Variants in EHBP1 observed in about 807,000 individuals in gnomAD.
EHBP1 encodes the protein EH domain-binding protein 1.
In EHBP1, 55 loss-of-function variants were observed where a neutral mutation model predicts 144.0. The ratio of observed to expected loss-of-function variants is 0.38; its 90% CI spans 0.31 to 0.48. EHBP1 has a LOEUF of 0.48. Among genes scored for constraint, EHBP1 ranks in the 20% least tolerant of loss-of-function variants. EHBP1 has a pLI of 0.98. For synonymous variants in EHBP1, 469 were observed against 472.7 expected (o/e 0.99, Z 0.10); for missense variants, 1,200 against 1,364.2 (o/e 0.88, Z 1.90).
chr2:62,804,724 TC>T (rs1355225610), intron 5 of EHBP1, among the ~76,000 whole-genome samples: 1 of 152,192 alleles, frequency 6.6e-6, no homozygotes, highest in Non-Finnish European at 1.5e-5. Context: ...TTGGTACTGG[TC>T]CGTGGCCTGT....
At chr2:62,786,462 A>G (rs546239341) in intron 5 of EHBP1, among the ~76,000 whole-genome samples, 1 of 152,296 alleles carries the variant, frequency 6.6e-6, no homozygotes, top group South Asian at 2.1e-4. Flanking sequence ...CCGTGGTTCA[A>G]AGGGGAGGGG....
intron 18 of EHBP1, 85 bp downstream of exon 18, chr2:62,994,062 A>G (rs1381811257): frequency 4.2e-6 from 4 of 946,572 alleles, no homozygotes; most frequent in Non-Finnish European, 6.2e-6. Flanking sequence ...TTAAAATGAG[A>G]TGTTAGGTTT....
At chr2:62,794,514 C>G (rs977267295) in intron 5 of EHBP1, among the ~76,000 whole-genome samples, 1 of 151,952 alleles carries the variant, frequency 6.6e-6, no homozygotes, top group African/African-American at 2.4e-5. Flanking sequence ...AGTAAAAACA[C>G]TTTAAGTGAC....
At chr2:62,798,509 C>T (rs2043724113) in intron 5 of EHBP1, among the ~76,000 whole-genome samples, 1 of 151,954 alleles carries the variant, frequency 6.6e-6, no homozygotes, top group Non-Finnish European at 1.5e-5. Context: ...ACATTTCCTA[C>T]CTGTGTGATT....
intron 7 of EHBP1, among the ~76,000 whole-genome samples, chr2:62,840,643 G>GA (rs1416744421): frequency 1.3e-5 from 2 of 151,492 alleles, no homozygotes; most frequent in Non-Finnish European, 2.9e-5. Context: ...AAATTTACAA[G>GA]AAAAAAACAA....
At chr2:62,683,440 A>T (rs1026089130) in intron 1 of EHBP1, among the ~76,000 whole-genome samples, 2 of 152,082 alleles carry the variant, frequency 1.3e-5, no homozygotes, top group Non-Finnish European at 2.9e-5. Context: ...TGGGTGGATC[A>T]CGAGGTCAGG....
At chr2:62,718,484 T>A (rs1024024194) in intron 2 of EHBP1, among the ~76,000 whole-genome samples, 1 of 152,216 alleles carries the variant, frequency 6.6e-6, no homozygotes, top group Non-Finnish European at 1.5e-5. Flanking sequence ...AGGACAGTGC[T>A]GATTTAGCCA....
At position 62,823,502 on chromosome 2, in the gene EHBP1, T is replaced by C. The variant is rs898674086; in HGVS notation, c.313-2585T>C. ...CTCCCTGGCTGATCCCTAGTCCCTT[T>C]AAGAAGGACTGTAGGATCCAAAAGA... On this transcript the variant is annotated intron_variant, in intron 5 of 22. Coordinates refer to ENST00000431489, the MANE Select transcript of EHBP1 (RefSeq NM_001142616.3). Among the ~76,000 whole-genome samples the C allele has an allele frequency of 4.6e-5, 7 of 152,076 alleles. 1 individual carries two copies. Among genetic ancestry groups the C allele is most frequent in the Non-Finnish European group, 1.0e-4 (7 of 67,950 alleles).
intron 13 of EHBP1, among the ~76,000 whole-genome samples, chr2:62,950,383 T>C (rs1217295346): frequency 6.6e-6 from 1 of 152,150 alleles, no homozygotes; most frequent in Non-Finnish European, 1.5e-5. Flanking sequence ...AATACAAAAG[T>C]AGATATAGGA....
At chr2:62,684,063 TTATTA>T (rs2033632767) in intron 1 of EHBP1, among the ~76,000 whole-genome samples, 1 of 152,134 alleles carries the variant, frequency 6.6e-6, no homozygotes, top group Non-Finnish European at 1.5e-5. Flanking sequence ...ACGTTGGAGT[TTATTA>T]TATTATAGTA....
At chr2:62,673,893 C>G in exon 1 of EHBP1, 1 of 386,628 alleles carries the variant, frequency 2.6e-6, no homozygotes, top group Non-Finnish European at 5.2e-6. Flanking sequence ...CTGACTCTCC[C>G]TCCCCAAAGA....
At chr2:62,749,854 T>C (rs1236779984) in intron 3 of EHBP1, among the ~76,000 whole-genome samples, 1 of 152,248 alleles carries the variant, frequency 6.6e-6, no homozygotes, top group Non-Finnish European at 1.5e-5. Context: ...TGTAAATTTG[T>C]TTGAGTTCTT....
At chr2:62,911,113 C>T (rs1574018341) in intron 10 of EHBP1, among the ~76,000 whole-genome samples, 3 of 152,252 alleles carry the variant, frequency 2.0e-5, no homozygotes, top group Admixed American at 2.0e-4. Context: ...ACGTGCTAAT[C>T]TGACTTTGTA....
intron 9 of EHBP1, among the ~76,000 whole-genome samples, chr2:62,866,529 C>T (rs2050051090): frequency 6.6e-6 from 1 of 152,046 alleles, no homozygotes; most frequent in Non-Finnish European, 1.5e-5. Context: ...AAGAAGACAG[C>T]ATAGATGATA....
At chr2:63,038,141 T>G (rs988481891) in intron 20 of EHBP1, among the ~76,000 whole-genome samples, 1 of 152,138 alleles carries the variant, frequency 6.6e-6, no homozygotes, top group African/African-American at 2.4e-5. Context: ...TAAGCATTCT[T>G]AGTTTTTAGC....
intron 19 of EHBP1, among the ~76,000 whole-genome samples, chr2:63,028,771 G>A (rs968499362): frequency 6.6e-6 from 1 of 152,038 alleles, no homozygotes; most frequent in African/African-American, 2.4e-5. Flanking sequence ...TCTAATCACA[G>A]TCCCACTTGG....
chr2:62,855,933 G>C (rs1219007997), intron 7 of EHBP1, among the ~76,000 whole-genome samples: 2 of 152,202 alleles, frequency 1.3e-5, no homozygotes, highest in Non-Finnish European at 2.9e-5. Context: ...GAGCTGCAGA[G>C]TTGACAGGAT....
intron 14 of EHBP1, 98 bp downstream of exon 14, chr2:62,955,758 C>T (rs374543391): frequency 8.3e-6 from 11 of 1,326,542 alleles, no homozygotes; most frequent in Non-Finnish European, 9.2e-6. Context: ...TATTTTTCTA[C>T]GGACTGTACA....
intron 10 of EHBP1, among the ~76,000 whole-genome samples, chr2:62,925,834 C>T (rs538782043): frequency 3.3e-5 from 5 of 151,992 alleles, no homozygotes; most frequent in East Asian, 1.9e-4. Flanking sequence ...TAGCCCAAAG[C>T]GATCTACAGA....
Sources: gnomAD v4.1 joint callset for allele counts (sites outside exome capture counted in the v4.1 genomes callset) on GRCh38, gnomAD v4.1.1 for gene constraint, MANE v1.5 for transcripts, NCBI Gene and HGNC (gene_info 2026-07-23, HGNC 2026-07-21) for gene names.